Variants in DAAM2 observed in about 807,000 individuals in gnomAD.
DAAM2 encodes disheveled-associated activator of morphogenesis 2.
Under a neutral mutation model 120.7 loss-of-function variants are expected in DAAM2, and 39 were observed. The observed-to-expected ratio is 0.32, with a 90% CI of 0.25 to 0.42. DAAM2 has a LOEUF of 0.42. DAAM2 is among the 10% of genes least tolerant of loss of function. The pLI, the probability that DAAM2 is intolerant of heterozygous loss-of-function variation, is 1.00. For missense variants in DAAM2, 1,283 were observed against 1,401.7 expected (o/e 0.92, Z 1.35); for synonymous variants, 488 against 524.9 (o/e 0.93, Z 0.96).
chr6:39,879,377 C>T lies in DAAM2; in HGVS notation c.1745C>T (p.Pro582Leu). ...PPCLGMGLPL[P>L]QDPYPSSDVP... ...TGCCTCGGCATGGGCCTGCCCCTCCCTCAGGACCCCTACCCCAGCAGTGAC... is the reference window on the plus strand; with the variant it reads ...TGCCTCGGCATGGGCCTGCCCCTCCTTCAGGACCCCTACCCCAGCAGTGAC... The change falls in exon 14 of 25, where the codon CCT becomes CTT. Residue 582 changes from proline to leucine, a missense_variant. Pro to Leu is a moderately conservative substitution (Grantham distance 98). This residue lies in a region of DAAM2 where 748 missense variants were observed against 768.6 expected (regional missense o/e 0.97). Coordinates refer to ENST00000274867, the MANE Select transcript of DAAM2 (RefSeq NM_001201427.2). 1 of 1,613,672 alleles carries T rather than the reference C, an allele frequency of 6.2e-7. No homozygotes were observed. Among genetic ancestry groups the T allele is most frequent in the East Asian group, 2.2e-5 (1 of 44,850 alleles).
At chr6:39,897,129 C>T (rs1207325456) in intron 20 of DAAM2, 46 bp from the exon 21 acceptor site, 1 of 1,548,394 alleles carries the variant, frequency 6.5e-7, no homozygotes, top group Admixed American at 1.7e-5. Flanking sequence ...GACCCTCGTG[C>T]CCAGTTTCCT....
chr6:39,870,224 G>C (rs1764600602), intron 7 of DAAM2, 116 bp from the exon 8 acceptor site: 2 of 661,414 alleles, frequency 3.0e-6, no homozygotes, highest in Non-Finnish European at 5.5e-6. Flanking sequence ...CTCCAGGTGA[G>C]TTAGCTGTGG....
chr6:39,892,132 G>A (rs1168487976), intron 19 of DAAM2, among the ~76,000 whole-genome samples: 1 of 152,224 alleles, frequency 6.6e-6, no homozygotes, highest in East Asian at 1.9e-4. Context: ...TTAAGTGTGA[G>A]CCATTCAGAA....
Position 39,867,568 on chromosome 6 carries a change from A to G in DAAM2, c.487A>G (p.Ser163Gly). ...GLTCLLNFLR[S>G]MDHATCESRI... Reference sequence around the variant, plus strand: ...GACCTGTCTGCTAAATTTCCTCCGGAGCATGGACCACGCCACCTGTGAGAG... The same window carrying G: ...GACCTGTCTGCTAAATTTCCTCCGGGGCATGGACCACGCCACCTGTGAGAG... Residue 163 changes from serine (S) to glycine (G), a missense_variant, in exon 6 of 25, where the codon AGC becomes GGC. Coordinates refer to ENST00000274867, the MANE Select transcript of DAAM2 (RefSeq NM_001201427.2). The G allele has an allele frequency of 6.2e-7, 1 of 1,614,014 alleles. No individual in the cohort carries two copies. Among genetic ancestry groups the G allele is most frequent in the Non-Finnish European group, 8.5e-7 (1 of 1,179,888 alleles).
chr6:39,798,784 C>CT (rs998761856), intron 1 of DAAM2, among the ~76,000 whole-genome samples: 6 of 152,104 alleles, frequency 3.9e-5, no homozygotes, highest in Admixed American at 1.3e-4. Flanking sequence ...TCAGGTGTCC[C>CT]TTTTTTTCTC....
At chr6:39,798,142 G>T (rs1761755763) in intron 1 of DAAM2, among the ~76,000 whole-genome samples, 1 of 152,200 alleles carries the variant, frequency 6.6e-6, no homozygotes, top group Non-Finnish European at 1.5e-5. Context: ...AGCAAGTATA[G>T]TAGCTTAGGG....
chr6:39,892,912 T>C (rs1765823313), intron 19 of DAAM2, among the ~76,000 whole-genome samples: 1 of 152,152 alleles, frequency 6.6e-6, no homozygotes, highest in Non-Finnish European at 1.5e-5. Flanking sequence ...GTGGTAAGCA[T>C]AGATAATCAA....
chr6:39,854,485 T>C (rs1363818850), intron 1 of DAAM2, among the ~76,000 whole-genome samples: 4 of 152,204 alleles, frequency 2.6e-5, no homozygotes, highest in African/African-American at 9.6e-5. Context: ...GAGGCTTTTC[T>C]GGGCCTATTA....
intron 1 of DAAM2, among the ~76,000 whole-genome samples, chr6:39,806,285 T>C (rs1285164854): frequency 6.6e-6 from 1 of 152,224 alleles, no homozygotes; most frequent in African/African-American, 2.4e-5. Flanking sequence ...AAGGACATTG[T>C]GGAGTCTCCT....
Position 39,899,119 on chromosome 6 carries a change from A to G in DAAM2, c.2679+182A>G, listed in dbSNP as rs576709312. The stretch of plus-strand genomic sequence containing the variant: ...AAGTTTGAGCCTTTTAAAAGGGGTT[A>G]CCTAAGACTATACCCATGTTACTGT... On this transcript the variant is annotated intron_variant, in intron 22 of 24. Transcript: ENST00000274867. 1.5e-4 allele frequency: 92 copies of G among 601,616 alleles called. 2 individuals carry two copies. In the South Asian group the frequency reaches 1.9e-3, roughly 13 times the overall value. 37.3% of individuals were successfully genotyped at this position (601,616 alleles called of 1,614,324 possible).
intron 1 of DAAM2, among the ~76,000 whole-genome samples, chr6:39,806,637 AC>A (rs1762016605): frequency 6.6e-6 from 1 of 152,132 alleles, no homozygotes; most frequent in Non-Finnish European, 1.5e-5. Flanking sequence ...TCCATCCTCA[AC>A]CCTTCTTTCC....
At chr6:39,876,648 G>C (rs1196847464) in intron 11 of DAAM2, among the ~76,000 whole-genome samples, 2 of 152,070 alleles carry the variant, frequency 1.3e-5, no homozygotes, top group Non-Finnish European at 2.9e-5. Flanking sequence ...TTCTAGACAT[G>C]ATTTAGCCTT....
Position 39,902,110 on chromosome 6 carries a change from G to GATAT in DAAM2, c.*74_*77dup. The GATAT allele has an allele frequency of 7.4e-7, 1 of 1,343,382 alleles. No homozygotes were observed. The allele number at this position is 1,343,382 out of a possible 1,614,324, so 83.2% of individuals were successfully genotyped here. ...AATGGGGCTGAGTGGAGGAGGTGGT[G>GATAT]ATATTTAAACCATTTGGTGCTTGGT... On this transcript the variant is annotated 3_prime_UTR_variant, in exon 25 of 25. Transcript: ENST00000274867.
At chr6:39,877,165 G>A (rs866947484) in intron 11 of DAAM2, among the ~76,000 whole-genome samples, 12 of 152,212 alleles carry the variant, frequency 7.9e-5, no homozygotes, top group Admixed American at 3.3e-4. Context: ...GGTGGAAACA[G>A]CTCCCCTTGC....
chr6:39,829,850 TTGG>T (rs1295340081), intron 1 of DAAM2, among the ~76,000 whole-genome samples: 1 of 152,162 alleles, frequency 6.6e-6, no homozygotes, highest in African/African-American at 2.4e-5. Flanking sequence ...AGCCGGCCCC[TTGG>T]TGGGAAATAT....
In DAAM2 at chr6:39,874,716, A is replaced by G. The variant is rs1213970110; in HGVS notation, c.1163-614A>G. Among the ~76,000 whole-genome samples, 3 of 152,192 alleles carry G rather than the reference A, an allele frequency of 2.0e-5. No individual in the cohort carries two copies. In the East Asian group the frequency reaches 5.8e-4, roughly 29 times the overall value. ...AAGGAAGTCCATGTCCAGCCAGATG[A>G]CTATCATTAGAGGGGATGAGAGTGA... is the stretch of plus-strand genomic sequence containing the variant. On this transcript the variant is annotated intron_variant, in intron 10 of 24. Transcript: ENST00000274867.
At chr6:39,812,390 T>C (rs181546116) in intron 1 of DAAM2, among the ~76,000 whole-genome samples, 210 of 152,304 alleles carry the variant, frequency 1.4e-3, no homozygotes, top group African/African-American at 4.9e-3. Context: ...GTTCTGAGAA[T>C]TTAGTCAACT....
chr6:39,864,601 C>T, intron 4 of DAAM2, 94 bp downstream of exon 4: 1 of 951,648 alleles, frequency 1.1e-6, no homozygotes, highest in African/African-American at 1.6e-5. Flanking sequence ...CACCAAACTG[C>T]CTTTTACTGC....
In DAAM2 at chr6:39,845,012, A is replaced by AC. The variant is rs563937680; in HGVS notation, c.-56-11228dup. The stretch of plus-strand genomic sequence containing the variant: ...CACACTACACACACCACACATACAC[A>AC]CCCCCCCACACATATACATACACCA... On this transcript the variant is annotated intron_variant, in intron 1 of 24. Transcript: ENST00000274867. Among the ~76,000 whole-genome samples the AC allele has an allele frequency of 4.7e-4, 66 of 140,562 alleles. No homozygotes were observed. The East Asian group carries it at 0.013, about 29-fold the overall frequency. The allele number at this position is 140,562 out of a possible 152,430, so 92.2% of individuals were successfully genotyped here.
Sources: allele counts gnomAD v4.1 joint callset (sites outside exome capture counted in the v4.1 genomes callset), GRCh38; gene constraint gnomAD v4.1.1; regional missense constraint gnomAD v4.1.1; transcripts MANE v1.5; gene names NCBI Gene and HGNC (gene_info 2026-07-23, HGNC 2026-07-21).